Variants in KIAA2012 observed in about 807,000 individuals in gnomAD.
KIAA2012 encodes the protein uncharacterized protein KIAA2012.
Under a neutral mutation model 150.6 loss-of-function variants are expected in KIAA2012, and 125 were observed. The observed-to-expected ratio is 0.83, with a 90% CI of 0.72 to 0.96. The LOEUF (loss-of-function observed/expected upper bound fraction) is 0.96, where lower values mean the gene tolerates loss of function less well. KIAA2012 is among the 40% of genes least tolerant of loss of function. KIAA2012 has a pLI of 0.00. For synonymous variants in KIAA2012, 462 were observed against 504.7 expected (o/e 0.92, Z 1.13); for missense variants, 1,219 against 1,354.9 (o/e 0.90, Z 1.57).
chr2:202,167,562 C>T (rs879801414), intron 15 of KIAA2012, among the ~76,000 whole-genome samples: 2 of 152,230 alleles, frequency 1.3e-5, no homozygotes, highest in African/African-American at 4.8e-5. Flanking sequence ...CACAGTCACT[C>T]ATGGTTCCAA....
intron 17 of KIAA2012, among the ~76,000 whole-genome samples, chr2:202,187,661 A>G (rs1239089718): frequency 3.9e-5 from 6 of 152,210 alleles, no homozygotes; most frequent in African/African-American, 1.4e-4. Flanking sequence ...CCACTCTGCC[A>G]TCCTCTCTTA....
rs1355904274 is a variant in KIAA2012 at position 202,090,758 on chromosome 2, G to A, written c.370-12G>A. The A allele has an allele frequency of 1.9e-6, 3 of 1,541,986 alleles. No homozygotes were observed. ...CAGCAGCTGTGCTGTTTCCTGACTG[G>A]TGTCCCCACAGGGAGAGCAGGACAG... On this transcript the variant is annotated splice_polypyrimidine_tract_variant and intron_variant, in intron 2 of 23. Transcript: ENST00000498697.
At chr2:202,076,863 C>G in intron 2 of KIAA2012, 1 of 425,780 alleles carries the variant, frequency 2.3e-6, no homozygotes. Flanking sequence ...CTGCTCTGCT[C>G]TGCATCACAG....
chr2:202,132,195 A>T (rs1389232359), intron 12 of KIAA2012, among the ~76,000 whole-genome samples: 1 of 152,086 alleles, frequency 6.6e-6, no homozygotes, highest in Non-Finnish European at 1.5e-5. Context: ...TTTAAAAATG[A>T]AAGCAGCTAA....
At chr2:202,115,153 A>C (rs920683808) in intron 11 of KIAA2012, 2 of 152,852 alleles carry the variant, frequency 1.3e-5, no homozygotes, top group African/African-American at 4.8e-5. Flanking sequence ...ACTGAAAAAA[A>C]TTTTTCCTCT....
At chr2:202,108,293 G>A (rs868663443) in intron 9 of KIAA2012, among the ~76,000 whole-genome samples, 30 of 152,242 alleles carry the variant, frequency 2.0e-4, no homozygotes, top group African/African-American at 2.9e-4. Flanking sequence ...TTATCAGCAC[G>A]TATCTCCTAA....
intron 13 of KIAA2012, among the ~76,000 whole-genome samples, chr2:202,140,931 A>G (rs1691185323): frequency 1.3e-5 from 2 of 151,644 alleles, no homozygotes; most frequent in Admixed American, 1.3e-4. Context: ...GTCACATGAA[A>G]GATTTGTACT....
chr2:202,194,071 G>A, intron 20 of KIAA2012, 119 bp from the exon 21 acceptor site: 2 of 1,058,658 alleles, frequency 1.9e-6, no homozygotes, highest in East Asian at 5.2e-5. Flanking sequence ...CTGGGAATAG[G>A]TTGCTCCCTG....
intron 11 of KIAA2012, among the ~76,000 whole-genome samples, chr2:202,124,707 A>G (rs1190222136): frequency 6.6e-6 from 1 of 152,138 alleles, no homozygotes; most frequent in Non-Finnish European, 1.5e-5. Flanking sequence ...TAAAAACATT[A>G]TTTTCCTCAA....
chr2:202,102,189 C>T (rs990597939), intron 7 of KIAA2012, among the ~76,000 whole-genome samples: 10 of 143,670 alleles, frequency 7.0e-5, no homozygotes, highest in East Asian at 1.9e-4. Context: ...TACACATACA[C>T]GCACACACAC....
At chr2:202,174,581 G>T (rs934260034) in intron 15 of KIAA2012, among the ~76,000 whole-genome samples, 4 of 152,084 alleles carry the variant, frequency 2.6e-5, no homozygotes, top group African/African-American at 9.7e-5. Flanking sequence ...TTTAAAAATA[G>T]AATTTAAAAG....
At chr2:202,089,690 T>G (rs1689667529) in intron 2 of KIAA2012, among the ~76,000 whole-genome samples, 1 of 152,214 alleles carries the variant, frequency 6.6e-6, no homozygotes, top group Admixed American at 6.5e-5. Context: ...GCTGTATGTT[T>G]CCATTCATAT....
intron 15 of KIAA2012, among the ~76,000 whole-genome samples, chr2:202,172,205 A>G (rs1691907835): frequency 6.6e-6 from 1 of 152,228 alleles, no homozygotes; most frequent in African/African-American, 2.4e-5. Flanking sequence ...CTATAACCTT[A>G]TGAGGCAAAG....
intron 22 of KIAA2012, among the ~76,000 whole-genome samples, chr2:202,200,971 G>A (rs1007553531): frequency 2.0e-5 from 3 of 152,092 alleles, no homozygotes; most frequent in Non-Finnish European, 4.4e-5. Context: ...TTCCCAAAGT[G>A]CTGGGATTAC....
intron 11 of KIAA2012, among the ~76,000 whole-genome samples, chr2:202,118,511 C>A (rs1281321532): frequency 6.6e-6 from 1 of 152,158 alleles, no homozygotes; most frequent in Non-Finnish European, 1.5e-5. Flanking sequence ...CATCAAAGCT[C>A]TGGGCACTGA....
intron 15 of KIAA2012, among the ~76,000 whole-genome samples, chr2:202,183,249 G>A (rs1400998504): frequency 3.9e-5 from 6 of 151,974 alleles, no homozygotes; most frequent in East Asian, 3.9e-4. Flanking sequence ...GTGAGACTCC[G>A]TCTATACGAA....
chr2:202,173,069 G>A (rs1028749425), intron 15 of KIAA2012, among the ~76,000 whole-genome samples: 1 of 152,224 alleles, frequency 6.6e-6, no homozygotes, highest in African/African-American at 2.4e-5. Flanking sequence ...AGTGGTGCAC[G>A]CTTAAGAATG....
intron 2 of KIAA2012, among the ~76,000 whole-genome samples, chr2:202,083,187 C>T (rs146490324): frequency 6.3e-4 from 96 of 152,280 alleles, no homozygotes; most frequent in African/African-American, 2.1e-3. Context: ...GCCTTGTATC[C>T]AGGAACATAT....
chr2:202,111,232 C>T (rs1165839498), intron 10 of KIAA2012, among the ~76,000 whole-genome samples: 2 of 151,012 alleles, frequency 1.3e-5, no homozygotes, highest in Admixed American at 6.6e-5. Flanking sequence ...CGTGGTGGCT[C>T]ATGCCTATAA....
Sources: allele counts gnomAD v4.1 joint callset (sites outside exome capture counted in the v4.1 genomes callset), GRCh38; gene constraint gnomAD v4.1.1; transcripts MANE v1.5; gene names NCBI Gene and HGNC (gene_info 2026-07-23, HGNC 2026-07-21).